Variants in PTAFR observed in about 807,000 individuals in gnomAD.
The protein encoded by PTAFR is platelet-activating factor receptor.
Under a neutral mutation model 14.7 loss-of-function variants are expected in PTAFR, and 8 were observed. That is an observed-to-expected ratio of 0.54 (90% confidence interval 0.32 to 0.98). PTAFR has a LOEUF of 0.98. Among genes scored for constraint, PTAFR ranks in the 50% least tolerant of loss-of-function variants. The probability of loss-of-function intolerance (pLI) is 0.04; values close to 1 mark genes in which losing one functional copy is unlikely to be tolerated. For synonymous variants in PTAFR, 156 were observed against 176.5 expected (o/e 0.88, Z 0.92); for missense variants, 337 against 451.2 (o/e 0.75, Z 2.29).
At chr1:28,176,444 CAAAAAAAAAAA>C (rs532299068) in intron 1 of PTAFR, 137 bp downstream of exon 1, 1 of 71,152 alleles carries the variant, frequency 1.4e-5, no homozygotes, top group Admixed American at 1.6e-4. Flanking sequence ...GACCCTGTCT[CAAAAAAAAAAA>C]AAAAAAAAAA....
At chr1:28,153,819 C>T (rs1204070083) in intron 1 of PTAFR, among the ~76,000 whole-genome samples, 4 of 151,634 alleles carry the variant, frequency 2.6e-5, no homozygotes, top group East Asian at 1.9e-4. Context: ...ACCCGGGAGG[C>T]GGAGATTGCA....
At position 28,147,257 on chromosome 1, in the gene PTAFR, T is replaced by C. The variant is rs1572023933; in HGVS notation, c.*2736A>G. On this transcript the variant is annotated 3_prime_UTR_variant, in exon 2 of 2. Coordinates refer to ENST00000373857, the MANE Select transcript of PTAFR (RefSeq NM_000952.5). ...GAGGCGGGTACATGAATGACTGAAA[T>C]TCAGGAGACGCGGGGAGTTAGCACA... 6.6e-6 allele frequency: 1 copy of C among 151,796 alleles called. No homozygotes were observed. The highest frequency in any genetic ancestry group is 2.4e-5 in the African/African-American group (1 of 41,280). 9.4% of individuals were successfully genotyped at this position (151,796 alleles called of 1,614,324 possible).
upstream of PTAFR, among the ~76,000 whole-genome samples, chr1:28,180,396 A>T (rs561182999): frequency 1.6e-3 from 238 of 152,234 alleles, 3 homozygotes; most frequent in South Asian, 0.024. Context: ...TATATATATA[A>T]AAAAGAAGTT....
chr1:28,161,057 C>T (rs563607660), intron 1 of PTAFR, among the ~76,000 whole-genome samples: 3 of 152,174 alleles, frequency 2.0e-5, no homozygotes, highest in African/African-American at 7.2e-5. Context: ...CCAAGAAATC[C>T]TCCCTTCCTT....
chr1:28,153,991 T>C (rs1269288175), intron 1 of PTAFR, among the ~76,000 whole-genome samples: 1 of 147,946 alleles, frequency 6.8e-6, no homozygotes, highest in Non-Finnish European at 1.5e-5. Flanking sequence ...GAGGCAGAGG[T>C]TGCAGTGAGC....
chr1:28,180,232 A>G (rs1212813398), upstream of PTAFR, among the ~76,000 whole-genome samples: 1 of 152,034 alleles, frequency 6.6e-6, no homozygotes, highest in Non-Finnish European at 1.5e-5. Context: ...GAGATTTAAG[A>G]GGATGGACAT....
chr1:28,179,033 C>T (rs1264707616), upstream of PTAFR, among the ~76,000 whole-genome samples: 1 of 152,120 alleles, frequency 6.6e-6, no homozygotes, highest in Non-Finnish European at 1.5e-5. Context: ...TCAGTTTGAT[C>T]ATTTCTTCTT....
chr1:28,150,191 G>A lies in PTAFR; in HGVS notation c.831C>T (p.Val277=). 6.2e-7 allele frequency: 1 copy of A among 1,614,162 alleles called. No individual in the cohort carries two copies. Among genetic ancestry groups the A allele is most frequent in the East Asian group, 2.2e-5 (1 of 44,888 alleles). Residue 277 remains valine, a synonymous_variant, in exon 2 of 2, where the codon GTC becomes GTT. Coordinates refer to ENST00000373857, the MANE Select transcript of PTAFR (RefSeq NM_000952.5). This position sits in a 1 kb window ranked among gnomAD's most constrained non-coding sequence, Gnocchi z 6.3. The stretch of plus-strand genomic sequence containing the variant: ...AGTTGGTGCTAAGGAGGCAGAGGGT[G>A]ACCTGATGTGCATCATTAATGGCCT... ...FHQAINDAHQ[V]TLCLLSTNCV...
At chr1:28,179,463 CTT>C (rs898846087), upstream of PTAFR, among the ~76,000 whole-genome samples, 15 of 152,180 alleles carry the variant, frequency 9.9e-5, no homozygotes, top group African/African-American at 3.4e-4. Context: ...GAGTTCAACT[CTT>C]TCTCTCACAC....
intron 1 of PTAFR, among the ~76,000 whole-genome samples, chr1:28,183,166 A>G (rs1005860215): frequency 2.0e-5 from 3 of 152,168 alleles, no homozygotes; most frequent in Non-Finnish European, 4.4e-5. Flanking sequence ...TTCCTGTGAT[A>G]GCATCTTATT....
intron 1 of PTAFR, among the ~76,000 whole-genome samples, chr1:28,185,667 C>A (rs887276599): frequency 6.6e-6 from 1 of 151,824 alleles, no homozygotes; most frequent in Non-Finnish European, 1.5e-5. Flanking sequence ...ATAATCACAA[C>A]CTTATTCTGT....
chr1:28,150,177 A>G lies in PTAFR; in HGVS notation c.845T>C (p.Leu282Pro). Residue 282 changes from leucine (L) to proline (P), a missense_variant, in exon 2 of 2, where the codon CTT becomes CCT. Physicochemically the swap from Leu to Pro is moderately conservative, Grantham distance 98 (BLOSUM62 -3). Coordinates refer to ENST00000373857, the MANE Select transcript of PTAFR (RefSeq NM_000952.5). This position sits in a 1 kb window ranked among gnomAD's most constrained non-coding sequence, Gnocchi z 6.3. ...AGGGTCTAAGACACAGTTGGTGCTA[A>G]GGAGGCAGAGGGTGACCTGATGTGC... Reference protein sequence around the residue: ...NDAHQVTLCLLSTNCVLDPVI... With the variant: ...NDAHQVTLCLPSTNCVLDPVI... The G allele has an allele frequency of 6.2e-7, 1 of 1,614,212 alleles. No homozygotes were observed. Among genetic ancestry groups the G allele is most frequent in the Non-Finnish European group, 8.5e-7 (1 of 1,180,034 alleles).
At chr1:28,161,414 A>C (rs1646322250) in intron 1 of PTAFR, among the ~76,000 whole-genome samples, 1 of 152,238 alleles carries the variant, frequency 6.6e-6, no homozygotes, top group African/African-American at 2.4e-5. Context: ...AGTCAAAAAT[A>C]AGTGGAGCAA....
At position 28,147,803 on chromosome 1, in the gene PTAFR, A is replaced by C. The variant is rs1254058071; in HGVS notation, c.*2190T>G. 1 of 152,152 alleles carries C rather than the reference A, an allele frequency of 6.6e-6. No individual in the cohort carries two copies. The highest frequency in any genetic ancestry group is 2.4e-5 in the African/African-American group (1 of 41,416). 9.4% of individuals were successfully genotyped at this position (152,152 alleles called of 1,614,324 possible). On this transcript the variant is annotated 3_prime_UTR_variant, in exon 2 of 2. Coordinates refer to ENST00000373857, the MANE Select transcript of PTAFR (RefSeq NM_000952.5). ...TGCCTCAACATTAGTGGCGTATAAC[A>C]ATCCCATGAGGTAGCTTTAACCTCA...
intron 1 of PTAFR, among the ~76,000 whole-genome samples, chr1:28,151,272 C>A (rs370667953): frequency 9.2e-5 from 14 of 151,896 alleles, no homozygotes; most frequent in Admixed American, 9.2e-4. Flanking sequence ...CTCCGCCTCC[C>A]GGGTTCAAGC....
At chr1:28,155,600 C>T (rs947263969) in intron 1 of PTAFR, among the ~76,000 whole-genome samples, 1 of 152,132 alleles carries the variant, frequency 6.6e-6, no homozygotes, top group African/African-American at 2.4e-5. Context: ...GGACTTGGCT[C>T]ACGGCTGTAA....
chr1:28,186,663 C>G lies in PTAFR; in HGVS notation c.-39+7059G>C, dbSNP rs1416862633. Among the ~76,000 whole-genome samples the G allele has an allele frequency of 2.0e-5, 3 of 152,158 alleles. No individual in the cohort carries two copies. In the South Asian group the frequency reaches 6.2e-4, roughly 32 times the overall value. ...GTGGTGCTGGGCGTAGTGGCACACA[C>G]CTGTAATCTCAGCATTTTTGGTAGG... On this transcript the variant is annotated intron_variant, in intron 1 of 1. Coordinates refer to the PTAFR transcript ENST00000305392.
rs546455150 is a variant in PTAFR, at chr1:28,187,476, G to C, written c.-39+6246C>G. Reference sequence around the variant, plus strand: ...ATGCAAAATTTTGGAAGAAAATAGAGTTGAATATCTTTATGATCTAGGGGT... The same window carrying C: ...ATGCAAAATTTTGGAAGAAAATAGACTTGAATATCTTTATGATCTAGGGGT... On this transcript the variant is annotated intron_variant, in intron 1 of 1. Coordinates refer to the PTAFR transcript ENST00000305392. Among the ~76,000 whole-genome samples, 9 of 152,174 alleles carry C rather than the reference G, an allele frequency of 5.9e-5. No homozygotes were observed. In the East Asian group the frequency reaches 1.7e-3, roughly 29 times the overall value.
intron 1 of PTAFR, among the ~76,000 whole-genome samples, chr1:28,161,701 C>T (rs1646326233): frequency 6.6e-6 from 1 of 152,178 alleles, no homozygotes; most frequent in Admixed American, 6.5e-5. Flanking sequence ...AGGTGACATA[C>T]AAACAAAACC....
Sources: allele counts gnomAD v4.1 joint callset (sites outside exome capture counted in the v4.1 genomes callset), GRCh38; gene constraint gnomAD v4.1.1; non-coding constraint Gnocchi (gnomAD v3.1); transcripts MANE v1.5; gene names NCBI Gene and HGNC (gene_info 2026-07-23, HGNC 2026-07-21).